COL4A3: variants seen among roughly 807,000 people sequenced by gnomAD.
The protein encoded by COL4A3 is collagen type IV alpha 3 chain.
A neutral mutation model predicts 217.4 loss-of-function variants in COL4A3; 135 were observed. The observed-to-expected ratio is 0.62, with a 90% CI of 0.54 to 0.72. COL4A3 has a LOEUF of 0.72. COL4A3 is among the 30% of genes least tolerant of loss of function. The pLI, the probability that COL4A3 is intolerant of heterozygous loss-of-function variation, is 0.00. For missense variants in COL4A3, 1,868 were observed against 2,119.9 expected (o/e 0.88, Z 2.33); for synonymous variants, 690 against 736.3 (o/e 0.94, Z 1.02).
intron 1 of COL4A3, among the ~76,000 whole-genome samples, chr2:227,167,213 G>A (rs553539408): frequency 3.3e-5 from 5 of 152,222 alleles, no homozygotes; most frequent in East Asian, 3.9e-4. Flanking sequence ...GATGTGTTTC[G>A]CTCCAATTTA....
rs572444362 is a variant in COL4A3, at chr2:227,202,697, T to C, written c.88-35271T>C. Among the ~76,000 whole-genome samples the C allele has an allele frequency of 3.2e-4, 46 of 145,456 alleles. No individual in the cohort carries two copies. The East Asian group carries it at 9.2e-3, about 29-fold the overall frequency. On this transcript the variant is annotated intron_variant, in intron 1 of 51. Transcript: ENST00000396578. ...TTGCAGTGAGCCGAGATAGCGCCAC[T>C]GCAGTCCGGCCTGGGAGAAAGTGCG...
chr2:227,215,074 C>A (rs1168535533), intron 1 of COL4A3, among the ~76,000 whole-genome samples: 1 of 152,064 alleles, frequency 6.6e-6, no homozygotes, highest in Non-Finnish European at 1.5e-5. Flanking sequence ...ATCAACTAAA[C>A]CTAAAACTTA....
intron 51 of COL4A3, 126 bp from the exon 52 acceptor site, chr2:227,311,660 G>C: frequency 1.2e-6 from 1 of 869,174 alleles, no homozygotes; most frequent in South Asian, 1.6e-5. Context: ...TTACAGGCGT[G>C]AGCCACCACG....
chr2:227,168,549 A>G (rs1434667507), intron 1 of COL4A3, among the ~76,000 whole-genome samples: 1 of 152,166 alleles, frequency 6.6e-6, no homozygotes, highest in East Asian at 1.9e-4. Context: ...TTTGTCATTA[A>G]AGTGTATAGC....
chr2:227,180,685 T>A (rs1314570387), intron 1 of COL4A3, among the ~76,000 whole-genome samples: 4 of 152,202 alleles, frequency 2.6e-5, no homozygotes, highest in Non-Finnish European at 4.4e-5. Context: ...AATCACAAGA[T>A]GTGGCACATA....
intron 41 of COL4A3, among the ~76,000 whole-genome samples, 181 bp from the exon 42 acceptor site, chr2:227,297,493 C>T (rs764644857): frequency 2.0e-5 from 3 of 152,142 alleles, no homozygotes; most frequent in Non-Finnish European, 4.4e-5. Context: ...TGAGTCTCAA[C>T]TCAGTTTTTG....
In COL4A3 at chr2:227,253,998, C is replaced by T; in HGVS notation, c.766-114C>T. On this transcript the variant is annotated intron_variant, in intron 13 of 51. Transcript: ENST00000396578. This position sits in a 1 kb window ranked among gnomAD's most constrained non-coding sequence, Gnocchi z 4.4. ...TATTGGGTTGTGTTAACACGAGGCACATTCATAGTTTGTAAACCCAGTTTA... is the reference window on the plus strand; with the variant it reads ...TATTGGGTTGTGTTAACACGAGGCATATTCATAGTTTGTAAACCCAGTTTA... 3.1e-6 allele frequency: 3 copies of T among 967,530 alleles called. No individual in the cohort carries two copies. Among genetic ancestry groups the T allele is most frequent in the Non-Finnish European group, 3.3e-6 (2 of 597,644 alleles). 59.9% of individuals were successfully genotyped at this position (967,530 alleles called of 1,614,324 possible).
intron 23 of COL4A3, among the ~76,000 whole-genome samples, 164 bp from the exon 24 acceptor site, chr2:227,269,746 T>TAAAAAG (rs1169835645): frequency 6.6e-6 from 1 of 152,218 alleles, no homozygotes; most frequent in Non-Finnish European, 1.5e-5. Flanking sequence ...TGATCTCTTG[T>TAAAAAG]TCTGTTATTT....
chr2:227,199,108 G>GA (rs1271881290), intron 1 of COL4A3, among the ~76,000 whole-genome samples: 1 of 152,140 alleles, frequency 6.6e-6, no homozygotes, highest in Non-Finnish European at 1.5e-5. Context: ...ATTGAGGAAT[G>GA]AAAAAATTCA....
chr2:227,181,620 G>T (rs2065869898), intron 1 of COL4A3, among the ~76,000 whole-genome samples: 1 of 152,164 alleles, frequency 6.6e-6, no homozygotes, highest in African/African-American at 2.4e-5. Context: ...TGGTATATTT[G>T]CATAAAAGTG....
intron 11 of COL4A3, among the ~76,000 whole-genome samples, chr2:227,251,621 T>G (rs2125925838): frequency 6.6e-6 from 1 of 152,360 alleles, no homozygotes; most frequent in Non-Finnish European, 1.5e-5. Flanking sequence ...GCAAGGATTC[T>G]TAATCCACAG....
Position 227,293,084 on chromosome 2 carries a change from T to A in COL4A3, c.3211-107T>A, listed in dbSNP as rs192372746. On this transcript the variant is annotated intron_variant, in intron 37 of 51. Transcript: ENST00000396578. Reference sequence around the variant, plus strand: ...AGTGCTGGCAGATAGCAGATACTAATATGAATTGATGAATGAATGAAAAAA... The same window carrying A: ...AGTGCTGGCAGATAGCAGATACTAAAATGAATTGATGAATGAATGAAAAAA... 3.6e-5 allele frequency: 52 copies of A among 1,441,688 alleles called. No homozygotes were observed. The Admixed American group carries it at 4.2e-4, about 12-fold the overall frequency. The allele number at this position is 1,441,688 out of a possible 1,614,324, so 89.3% of individuals were successfully genotyped here. A position where few individuals can be genotyped will look rare whatever the true frequency, so the allele number is the denominator to read the frequency against.
intron 17 of COL4A3, 40 bp from the exon 18 acceptor site, chr2:227,257,563 G>A: frequency 1.3e-6 from 2 of 1,561,752 alleles, no homozygotes; most frequent in African/African-American, 1.4e-5. Context: ...AAATACTTTG[G>A]GTGACCATAT....
At chr2:227,310,665 C>A in intron 50 of COL4A3, 111 bp from the exon 51 acceptor site, 1 of 866,712 alleles carries the variant, frequency 1.2e-6, no homozygotes, top group African/African-American at 1.7e-5. Context: ...ATGATCATTC[C>A]TCCCCTTTCT....
chr2:227,313,035 G>A lies in COL4A3; in HGVS notation c.*1165G>A, dbSNP rs28554165. 43,509 of 152,234 alleles carry A rather than the reference G, an allele frequency of 0.29. 7,037 individuals are homozygous for A. The highest frequency in any genetic ancestry group is 0.46 in the South Asian group (2,213 of 4,798). The allele number at this position is 152,234 out of a possible 1,614,324, so 9.4% of individuals were successfully genotyped here. On this transcript the variant is annotated 3_prime_UTR_variant, in exon 52 of 52. Transcript: ENST00000396578. The stretch of plus-strand genomic sequence containing the variant: ...ATGTATCAAACTGTATAACTTGGCC[G>A]CTGTATGTCTTAAAACCTGCTTTTC...
In COL4A3 at chr2:227,276,458, T is replaced by G. The variant is rs2071570667; in HGVS notation, c.2001T>G (p.Pro667=). 6.2e-7 allele frequency: 1 copy of G among 1,613,966 alleles called. No individual in the cohort carries two copies. The highest frequency in any genetic ancestry group is 1.1e-5 in the South Asian group (1 of 91,090). The change falls in exon 27 of 52, where the codon CCT becomes CCG. Residue 667 remains proline (P), a synonymous_variant. Transcript: ENST00000396578. ...PPGPPGPPGH[P]GPQGPPGIPG... is the part of the protein sequence containing the mutation. ...GACCTCCAGGGCCCCCTGGCCATCC[T>G]GGCCCCCAAGGTCCACCTGGTAAGT...
chr2:227,308,979 T>A lies in COL4A3; in HGVS notation c.4543T>A (p.Ser1515Thr). The A allele has an allele frequency of 6.2e-7, 1 of 1,614,228 alleles. No homozygotes were observed. The highest frequency in any genetic ancestry group is 8.5e-7 in the Non-Finnish European group (1 of 1,180,024). The part of the protein sequence containing the change: ...CNVNDVCNFA[S>T]RNDYSYWLST... ...TGTCAATGATGTATGTAATTTTGCA[T>A]CTCGAAATGATTATTCATACTGGCT... Residue 1515 changes from serine (S) to threonine (T), a missense_variant, in exon 49 of 52, where the codon TCT becomes ACT. Around this residue, in one of 2 missense-constraint regions of COL4A3, gnomAD observed 1,503 missense variants for 1,786.1 expected, o/e 0.84. Transcript: ENST00000396578.
In COL4A3 at chr2:227,253,781, G is replaced by A. The variant is rs1431188506; in HGVS notation, c.765+143G>A. The A allele has an allele frequency of 5.0e-6, 4 of 794,472 alleles. No homozygotes were observed. Among genetic ancestry groups the A allele is most frequent in the Non-Finnish European group, 2.2e-6 (1 of 447,724 alleles). The allele number at this position is 794,472 out of a possible 1,614,324, so 49.2% of individuals were successfully genotyped here. A position where few individuals can be genotyped will look rare whatever the true frequency, so the allele number is the denominator to read the frequency against. ...TCAGCCAGCCAGAACCTCCAGGATTGATTCCTTCCCGTCCTTTACTCATAA... is the reference window on the plus strand; with the variant it reads ...TCAGCCAGCCAGAACCTCCAGGATTAATTCCTTCCCGTCCTTTACTCATAA... On this transcript the variant is annotated intron_variant, in intron 13 of 51. Transcript: ENST00000396578. This position sits in a 1 kb window ranked among gnomAD's most constrained non-coding sequence, Gnocchi z 4.4.
At chr2:227,249,224 A>T (rs1268562601) in intron 9 of COL4A3, among the ~76,000 whole-genome samples, 9 of 24,194 alleles carry the variant, frequency 3.7e-4, no homozygotes, top group East Asian at 1.5e-3. Context: ...ATATATATAT[A>T]TATATATTTT....
Sources: gnomAD v4.1 joint callset for allele counts (sites outside exome capture counted in the v4.1 genomes callset) on GRCh38, gnomAD v4.1.1 for gene constraint, gnomAD v4.1.1 regional missense constraint, Gnocchi (gnomAD v3.1) non-coding constraint, MANE v1.5 for transcripts, NCBI Gene and HGNC (gene_info 2026-07-23, HGNC 2026-07-21) for gene names.